The following ADARB2 variants were observed in gnomAD, a reference collection of about 807,000 sequenced individuals.
ADARB2 encodes the protein adenosine deaminase RNA specific B2 (inactive), also known as inactive double-stranded RNA-specific editase B2.
A neutral mutation model predicts 62.2 loss-of-function variants in ADARB2; 25 were observed. The ratio of observed to expected loss-of-function variants is 0.40; its 90% confidence interval spans 0.29 to 0.56. The LOEUF is 0.56. ADARB2 is among the 20% of genes least tolerant of loss of function. The pLI is 0.43. For missense variants in ADARB2, 1,071 were observed against 1,077.4 expected, an observed-to-expected ratio of 0.99 and a Z score of 0.08; for synonymous variants, 572 against 500.8, an observed-to-expected ratio of 1.14 and a Z score of -1.90.
chr10:1,277,408 A>C (rs951966565), intron 3 of ADARB2, among the ~76,000 whole-genome samples: 1 of 152,256 alleles, frequency 6.6e-6, no homozygotes, highest in Non-Finnish European at 1.5e-5. Flanking sequence ...GCAATAAAAA[A>C]TGATAAAGGG....
At chr10:1,489,718 C>T (rs1283543083) in intron 1 of ADARB2, among the ~76,000 whole-genome samples, 1 of 152,112 alleles carries the variant, frequency 6.6e-6, no homozygotes, top group Non-Finnish European at 1.5e-5. Context: ...CTTCTCAAAC[C>T]AGCACTTTCT....
At chr10:1,717,123 G>T (rs373865753) in intron 1 of ADARB2, among the ~76,000 whole-genome samples, 5 of 147,118 alleles carry the variant, frequency 3.4e-5, no homozygotes, top group Admixed American at 1.4e-4. Context: ...GATGGGAAGC[G>T]GCTCCTCTGT....
intron 6 of ADARB2, among the ~76,000 whole-genome samples, chr10:1,227,135 C>G (rs945642747): frequency 1.3e-5 from 2 of 152,236 alleles, no homozygotes; most frequent in South Asian, 4.1e-4. Context: ...GCCTCACTGC[C>G]GCCTTGCAGT....
At position 1,233,702 on chromosome 10, in the gene ADARB2, G is replaced by A. The variant is rs1365784754; in HGVS notation, c.1505C>T (p.Thr502Ile). The change falls in exon 6 of 10, where the codon ACC (threonine) becomes ATC (isoleucine). Residue 502 changes from threonine to isoleucine, a missense_variant. Transcript: ENST00000381312. The part of the protein sequence containing the change: ...DARLHSPYEI[T>I]TDLHSSKHLV... ...AAAGCATGGTCTCTTACGGTCTGTG[G>A]TGATCTCGTAGGGAGAGTGGAGTCT... 6.2e-7 allele frequency: 1 copy of A among 1,612,904 alleles called. No individual in the cohort carries two copies.
At chr10:1,609,188 G>C (rs1463033143) in intron 1 of ADARB2, among the ~76,000 whole-genome samples, 1 of 152,234 alleles carries the variant, frequency 6.6e-6, no homozygotes. Context: ...GGCGGGATGG[G>C]AATGTGCCGC....
At chr10:1,516,510 CGGGCTGCTCTGTGCTGTGT>C (rs1384379709) in intron 1 of ADARB2, among the ~76,000 whole-genome samples, 1 of 151,556 alleles carries the variant, frequency 6.6e-6, no homozygotes, top group African/African-American at 2.4e-5. Context: ...CTGCTCTGTG[CGGGCTGCTCTGTGCTGTGT>C]GGGCTGCTCT....
intron 1 of ADARB2, among the ~76,000 whole-genome samples, chr10:1,499,835 C>T (rs1415332421): frequency 6.6e-6 from 1 of 152,054 alleles, no homozygotes; most frequent in Non-Finnish European, 1.5e-5. Flanking sequence ...ACTTAACACT[C>T]ATTCATTACT....
chr10:1,229,917 G>A (rs1242244655), intron 6 of ADARB2, among the ~76,000 whole-genome samples: 3 of 152,200 alleles, frequency 2.0e-5, no homozygotes, highest in African/African-American at 7.2e-5. Context: ...TGAGAGAGGG[G>A]CTAGCAGGCG....
chr10:1,207,045 A>C (rs1377292543), intron 7 of ADARB2, among the ~76,000 whole-genome samples: 1 of 152,186 alleles, frequency 6.6e-6, no homozygotes, highest in Non-Finnish European at 1.5e-5. Flanking sequence ...TTTCCTCACT[A>C]GAGGTGTTAT....
In ADARB2 at chr10:1,477,033, A is replaced by T. The variant is rs116875205; in HGVS notation, c.101-97873T>A. ...GGCAAATCATGATGACTCTCCCCAG[A>T]TCCCCACCTGGCCTACGATCCAACC... is the stretch of plus-strand genomic sequence containing the variant. On this transcript the variant is annotated intron_variant, in intron 1 of 9. Coordinates refer to ENST00000381312, the MANE Select transcript of ADARB2 (RefSeq NM_018702.4). The surrounding 1 kb of genome is among the most constrained non-coding windows in gnomAD (Gnocchi z 4.5). Among the ~76,000 whole-genome samples, 1,006 of 152,038 alleles carry T rather than the reference A, an allele frequency of 6.6e-3. 10 individuals are homozygous for T. The highest frequency in any genetic ancestry group is 9.6e-3 in the Non-Finnish European group (650 of 67,960).
chr10:1,726,501 A>G (rs879069356), intron 1 of ADARB2, among the ~76,000 whole-genome samples: 2 of 152,150 alleles, frequency 1.3e-5, no homozygotes, highest in African/African-American at 2.4e-5. Flanking sequence ...CTGTGACTCT[A>G]TGGATGACTC....
chr10:1,491,876 C>T (rs1399873943), intron 1 of ADARB2, among the ~76,000 whole-genome samples: 1 of 152,166 alleles, frequency 6.6e-6, no homozygotes, highest in African/African-American at 2.4e-5. Flanking sequence ...AGATAAATTT[C>T]CCTTGCTTGT....
intron 1 of ADARB2, among the ~76,000 whole-genome samples, chr10:1,389,515 T>G (rs922131696): frequency 2.6e-5 from 4 of 151,992 alleles, no homozygotes; most frequent in African/African-American, 9.7e-5. Context: ...TACAAAGACA[T>G]ACAAATAGCC....
At chr10:1,543,312 G>A (rs1483685291) in intron 1 of ADARB2, among the ~76,000 whole-genome samples, 1 of 152,212 alleles carries the variant, frequency 6.6e-6, no homozygotes, top group Non-Finnish European at 1.5e-5. Flanking sequence ...CCTCCAGGTG[G>A]GTCTGCAGTG....
At chr10:1,302,422 A>G (rs1478929256) in intron 3 of ADARB2, among the ~76,000 whole-genome samples, 2 of 152,238 alleles carry the variant, frequency 1.3e-5, no homozygotes, top group African/African-American at 4.8e-5. Context: ...GTCTGAGATC[A>G]AACTGCAAGG....
chr10:1,720,606 G>A (rs1049498107), intron 1 of ADARB2, among the ~76,000 whole-genome samples: 12 of 152,122 alleles, frequency 7.9e-5, no homozygotes, highest in African/African-American at 2.9e-4. Flanking sequence ...GAAATCTAGG[G>A]GCAGTCTTTA....
intron 1 of ADARB2, among the ~76,000 whole-genome samples, chr10:1,559,319 T>C (rs1341492793): frequency 2.0e-5 from 3 of 152,218 alleles, no homozygotes; most frequent in African/African-American, 7.2e-5. Flanking sequence ...CTCTTGGAGC[T>C]GTCCCCGACA....
intron 1 of ADARB2, among the ~76,000 whole-genome samples, chr10:1,628,136 A>AG (rs749247010): frequency 6.6e-6 from 1 of 152,234 alleles, no homozygotes; most frequent in Non-Finnish European, 1.5e-5. Flanking sequence ...CAGGTGCCTG[A>AG]GGGGCTGAGA....
chr10:1,468,608 C>A (rs75024485), intron 1 of ADARB2, among the ~76,000 whole-genome samples: 31 of 152,288 alleles, frequency 2.0e-4, no homozygotes, highest in Non-Finnish European at 3.1e-4. Flanking sequence ...GCTGGAGAAG[C>A]CTCTAGGTCT....
Sources: gnomAD v4.1 joint callset for allele counts (sites outside exome capture counted in the v4.1 genomes callset) on GRCh38, gnomAD v4.1.1 for gene constraint, Gnocchi (gnomAD v3.1) non-coding constraint, MANE v1.5 for transcripts, NCBI Gene and HGNC (gene_info 2026-07-23, HGNC 2026-07-21) for gene names.